The following ELAVL4 variants were observed in gnomAD, a reference collection of about 807,000 sequenced individuals.
The protein encoded by ELAVL4 is ELAV like RNA binding protein 4, also known as ELAV-like protein 4.
ELAVL4 carries 1 observed loss-of-function variant against 35.6 expected under a neutral mutation model. The ratio of observed to expected loss-of-function variants is 0.03; its 90% confidence interval spans 0.01 to 0.13. The LOEUF (loss-of-function observed/expected upper bound fraction) is 0.13, where lower values mean the gene tolerates loss of function less well. ELAVL4 is among the 10% of genes least tolerant of loss of function. The pLI is 1.00. For missense variants in ELAVL4, 267 were observed against 464.9 expected (o/e 0.57, Z 3.91); for synonymous variants, 156 against 171.0 (o/e 0.91, Z 0.69).
chr1:50,145,269 G>T, intron 2 of ELAVL4, 72 bp downstream of exon 2: 1 of 1,593,176 alleles, frequency 6.3e-7, no homozygotes, highest in South Asian at 1.1e-5. Context: ...CATGTGTGAT[G>T]GTGCACCTGA....
intron 1 of ELAVL4, among the ~76,000 whole-genome samples, chr1:50,051,724 T>G (rs1663395293): frequency 6.6e-6 from 1 of 152,186 alleles, no homozygotes; most frequent in Admixed American, 6.5e-5. Flanking sequence ...GAACTGGATT[T>G]TTAAAATCTA....
intron 2 of ELAVL4, among the ~76,000 whole-genome samples, chr1:50,153,918 A>G (rs2480684): frequency 0.21 from 32,427 of 152,198 alleles, 4,615 homozygotes; most frequent in Middle Eastern, 0.32. Flanking sequence ...GCAAGCCAGA[A>G]AAAGAGCCTT....
upstream of ELAVL4, among the ~76,000 whole-genome samples, chr1:50,108,292 A>G (rs1572195546): frequency 2.0e-5 from 3 of 152,102 alleles, no homozygotes; most frequent in African/African-American, 7.2e-5. Context: ...GTATGAACCT[A>G]GTTCACGGAG....
At chr1:50,145,308 G>C (rs1035186225) in intron 2 of ELAVL4, 111 bp downstream of exon 2, 2 of 1,481,528 alleles carry the variant, frequency 1.3e-6, no homozygotes, top group Admixed American at 1.8e-5. Flanking sequence ...CTGCATGCAA[G>C]ATGGCATGGA....
intron 3 of ELAVL4, chr1:50,179,903 G>A (rs1475671987): frequency 1.3e-5 from 2 of 152,206 alleles, no homozygotes; most frequent in Non-Finnish European, 2.9e-5. Flanking sequence ...GTAGTGAGCT[G>A]TAAAGAAGAC....
chr1:50,152,264 C>T (rs955145177), intron 2 of ELAVL4, among the ~76,000 whole-genome samples: 2 of 152,166 alleles, frequency 1.3e-5, no homozygotes, highest in African/African-American at 4.8e-5. Flanking sequence ...AAAGTATTCT[C>T]ACATCCCAGA....
chr1:50,189,271 TC>T (rs1682301385), intron 3 of ELAVL4, among the ~76,000 whole-genome samples: 1 of 152,202 alleles, frequency 6.6e-6, no homozygotes, highest in Non-Finnish European at 1.5e-5. Flanking sequence ...ATGCTGTTCT[TC>T]CCACCCTGCC....
chr1:50,192,134 AGCCAT>A (rs1281156817), intron 3 of ELAVL4, among the ~76,000 whole-genome samples: 1 of 152,030 alleles, frequency 6.6e-6, no homozygotes, highest in Admixed American at 6.6e-5. Context: ...TCTACATCTC[AGCCAT>A]GTGCTGAGAA....
intron 1 of ELAVL4, among the ~76,000 whole-genome samples, chr1:50,142,919 T>C (rs1324122888): frequency 2.0e-5 from 3 of 152,244 alleles, no homozygotes; most frequent in Admixed American, 2.0e-4. Flanking sequence ...TGGAAATTGC[T>C]ATAGCAGTGG....
At chr1:50,198,796 C>A (rs1644220343) in intron 6 of ELAVL4, among the ~76,000 whole-genome samples, 1 of 152,216 alleles carries the variant, frequency 6.6e-6, no homozygotes, top group Admixed American at 6.5e-5. Flanking sequence ...GTAAACATCA[C>A]TAGCTGATAA....
chr1:50,119,012 G>T (rs911921372), intron 1 of ELAVL4, among the ~76,000 whole-genome samples: 1 of 131,830 alleles, frequency 7.6e-6, no homozygotes, highest in African/African-American at 2.8e-5. Context: ...GAGAAAGAAA[G>T]AAAAGAAAGG....
chr1:50,083,795 T>C (rs1246976169), intron 1 of ELAVL4, among the ~76,000 whole-genome samples: 1 of 152,230 alleles, frequency 6.6e-6, no homozygotes, highest in Non-Finnish European at 1.5e-5. Context: ...AAGATTGTTT[T>C]AGGACCACAC....
chr1:50,176,400 A>G (rs894777735), intron 2 of ELAVL4, among the ~76,000 whole-genome samples: 1 of 152,134 alleles, frequency 6.6e-6, no homozygotes, highest in Non-Finnish European at 1.5e-5. Context: ...TTAACTATAC[A>G]CATCTCCAGT....
intron 1 of ELAVL4, among the ~76,000 whole-genome samples, chr1:50,058,102 G>A (rs1380219325): frequency 6.6e-6 from 1 of 152,154 alleles, no homozygotes; most frequent in African/African-American, 2.4e-5. Context: ...GTCCACGGGG[G>A]GAAGTGATCA....
At position 50,197,646 on chromosome 1, in the gene ELAVL4, C is replaced by T. The variant is rs917136273; in HGVS notation, c.773+179C>T. ...TCAGTTGATTTTGTTTCTTTTAGGG[C>T]ACACAAAATGTATTTGTGTGTTTCA... On this transcript the variant is annotated intron_variant, in intron 6 of 6. Transcript: ENST00000371824. 7 of 534,060 alleles carry T rather than the reference C, an allele frequency of 1.3e-5. No homozygotes were observed. In the Admixed American group the frequency reaches 1.6e-4, roughly 12 times the overall value. 33.1% of individuals were successfully genotyped at this position (534,060 alleles called of 1,614,324 possible). A position where few individuals can be genotyped will look rare whatever the true frequency, so the allele number is the denominator to read the frequency against.
intron 1 of ELAVL4, among the ~76,000 whole-genome samples, chr1:50,076,793 A>G (rs1416325342): frequency 2.0e-5 from 3 of 152,184 alleles, no homozygotes; most frequent in Admixed American, 1.3e-4. Context: ...ATTTAGGGGT[A>G]TAATGCCTGA....
At chr1:50,056,556 T>G (rs1325311208) in intron 1 of ELAVL4, among the ~76,000 whole-genome samples, 1 of 152,220 alleles carries the variant, frequency 6.6e-6, no homozygotes, top group Non-Finnish European at 1.5e-5. Context: ...CATACAATTA[T>G]GTACAGTATA....
chr1:50,199,448 G>A (rs1644265883), intron 6 of ELAVL4, among the ~76,000 whole-genome samples: 1 of 152,306 alleles, frequency 6.6e-6, no homozygotes, highest in East Asian at 1.9e-4. Flanking sequence ...GCTCATGCCT[G>A]TAATCCCACC....
chr1:50,052,697 T>C (rs1663448384), intron 1 of ELAVL4, among the ~76,000 whole-genome samples: 1 of 152,222 alleles, frequency 6.6e-6, no homozygotes, highest in African/African-American at 2.4e-5. Context: ...GCACCTTTGT[T>C]CACTCAAATC....
Sources: allele counts gnomAD v4.1 joint callset (sites outside exome capture counted in the v4.1 genomes callset), GRCh38; gene constraint gnomAD v4.1.1; transcripts MANE v1.5; gene names NCBI Gene and HGNC (gene_info 2026-07-23, HGNC 2026-07-21).